The following AKAP9 variants were observed in gnomAD, a reference collection of about 807,000 sequenced individuals.
AKAP9 encodes the protein A-kinase anchoring protein 9.
A neutral mutation model predicts 488.5 loss-of-function variants in AKAP9; 311 were observed. The ratio of observed to expected loss-of-function variants is 0.64; its 90% CI spans 0.58 to 0.70. AKAP9 has a LOEUF of 0.70. AKAP9 is among the 30% of genes least tolerant of loss of function. The probability of loss-of-function intolerance (pLI) is 0.00; values close to 1 mark genes in which losing one functional copy is unlikely to be tolerated. For missense variants in AKAP9, 4,215 were observed against 4,374.5 expected (o/e 0.96, Z 1.03); for synonymous variants, 1,462 against 1,483.5 (o/e 0.99, Z 0.33).
chr7:92,098,048 T>G, intron 42 of AKAP9, 61 bp from the exon 43 acceptor site: 1 of 1,123,202 alleles, frequency 8.9e-7, no homozygotes, highest in South Asian at 1.3e-5. Context: ...CTGTAATGTT[T>G]GTGGTAGTAA....
At chr7:91,972,089 A>G (rs528506105) in intron 1 of AKAP9, among the ~76,000 whole-genome samples, 1 of 151,132 alleles carries the variant, frequency 6.6e-6, no homozygotes, top group Admixed American at 6.6e-5. Flanking sequence ...TCTAGTAAAC[A>G]ATCAGTGTTA....
chr7:91,948,344 G>A (rs1282193001), intron 1 of AKAP9, among the ~76,000 whole-genome samples: 5 of 152,068 alleles, frequency 3.3e-5, no homozygotes, highest in African/African-American at 1.2e-4. Context: ...ACTTTTTGAG[G>A]AACTGCCAAA....
At chr7:92,041,080 C>T (rs1201063377) in intron 18 of AKAP9, 182 bp downstream of exon 18, 2 of 574,074 alleles carry the variant, frequency 3.5e-6, no homozygotes, top group Admixed American at 6.2e-5. Flanking sequence ...ACTAAGACAG[C>T]AGCTTTAGAT....
intron 3 of AKAP9, among the ~76,000 whole-genome samples, chr7:91,983,282 A>G (rs1377128794): frequency 6.6e-6 from 1 of 152,008 alleles, no homozygotes; most frequent in African/African-American, 2.4e-5. Flanking sequence ...GTTCCCACCT[A>G]TGAGTGAGAA....
chr7:91,968,138 A>G (rs1362826067), intron 1 of AKAP9, among the ~76,000 whole-genome samples: 1 of 152,110 alleles, frequency 6.6e-6, no homozygotes, highest in Admixed American at 6.6e-5. Flanking sequence ...AGGTTTTGCC[A>G]TGTTGCCCAG....
Position 92,002,189 on chromosome 7 carries a change from C to T in AKAP9, c.2272C>T (p.Gln758Ter), listed in dbSNP as rs1170327554. 3 of 1,592,890 alleles carry T rather than the reference C, an allele frequency of 1.9e-6. No homozygotes were observed. The highest frequency in any genetic ancestry group is 1.2e-5 in the South Asian group (1 of 85,206). ...ACTTAAAACAGAATTGTTAGAAAAACAGATGAAGGAAAAAGAGAATGATCT... is the reference window on the plus strand; with the variant it reads ...ACTTAAAACAGAATTGTTAGAAAAATAGATGAAGGAAAAAGAGAATGATCT... ...LQLKTELLEKQMKEKENDLQE... is the reference protein window; with the variant it reads ...LQLKTELLEK Residue 758 changes from glutamine (Q) to a stop codon, truncating the protein, a stop_gained, in exon 8 of 50, where the codon CAG becomes TAG. Coordinates refer to ENST00000356239, the MANE Select transcript of AKAP9 (RefSeq NM_005751.5). LOFTEE classifies it high-confidence loss of function.
At chr7:91,982,925 T>G (rs1226196681) in intron 3 of AKAP9, among the ~76,000 whole-genome samples, 1 of 152,222 alleles carries the variant, frequency 6.6e-6, no homozygotes, top group Non-Finnish European at 1.5e-5. Flanking sequence ...TGATTTGCAT[T>G]TCTCTGATGA....
intron 14 of AKAP9, among the ~76,000 whole-genome samples, chr7:92,029,264 C>T (rs1019571232): frequency 7.2e-5 from 11 of 151,744 alleles, no homozygotes; most frequent in Non-Finnish European, 7.4e-5. Flanking sequence ...CAAAAAAGTC[C>T]GAAAGTGAAT....
intron 12 of AKAP9, among the ~76,000 whole-genome samples, chr7:92,018,392 T>C (rs1276405723): frequency 1.0e-5 from 1 of 98,630 alleles, no homozygotes; most frequent in Non-Finnish European, 2.1e-5. Context: ...TTTCTAAAAA[T>C]ATAACACACA....
At chr7:92,057,821 C>T (rs1251553284) in intron 22 of AKAP9, 9 of 223,676 alleles carry the variant, frequency 4.0e-5, no homozygotes, top group Non-Finnish European at 8.0e-5. Context: ...TATTTTTATT[C>T]TTCTCTTCAA....
At position 92,102,609 on chromosome 7, in the gene AKAP9, T is replaced by C. The variant is rs770644224; in HGVS notation, c.11113T>C (p.Tyr3705His). 2 of 1,614,084 alleles carry C rather than the reference T, an allele frequency of 1.2e-6. No homozygotes were observed. The highest frequency in any genetic ancestry group is 3.3e-5 in the Admixed American group (2 of 60,018). ...CTAAATATAGAGAATTTATGGTAAA[T>C]ACTTGAGGGCAGAAAGTTTTCGAAA... ...HVTLKRIYGK[Y>H]LRAESFRKAL... is the part of the protein sequence containing the mutation. Residue 3705 changes from tyrosine (Y) to histidine (H), a missense_variant, in exon 46 of 50, where the codon TAC becomes CAC. Around this residue, in one of 5 missense-constraint regions of AKAP9, gnomAD observed 253 missense variants for 266.8 expected, o/e 0.95. Transcript: ENST00000356239.
intron 1 of AKAP9, among the ~76,000 whole-genome samples, chr7:91,958,972 C>T (rs1377039487): frequency 2.6e-5 from 4 of 152,006 alleles, no homozygotes; most frequent in African/African-American, 7.3e-5. Flanking sequence ...CCATTCTCCA[C>T]CTCTCAGGCT....
At chr7:92,027,084 C>A (rs1160353633) in intron 14 of AKAP9, among the ~76,000 whole-genome samples, 1 of 146,612 alleles carries the variant, frequency 6.8e-6, no homozygotes, top group Non-Finnish European at 1.5e-5. Flanking sequence ...AGGAGCTTCT[C>A]TGCCCGGCTG....
intron 42 of AKAP9, 103 bp from the exon 43 acceptor site, chr7:92,098,006 G>C (rs1816908521): frequency 1.1e-6 from 1 of 875,544 alleles, no homozygotes; most frequent in African/African-American, 1.7e-5. Context: ...ATATAAGGGA[G>C]AAGTGATAGG....
At chr7:92,100,774 A>G in intron 44 of AKAP9, 82 bp from the exon 45 acceptor site, 3 of 1,530,370 alleles carry the variant, frequency 2.0e-6, no homozygotes, top group Non-Finnish European at 2.7e-6. Context: ...TTGAGACTGC[A>G]TCATCATGCA....
intron 29 of AKAP9, 74 bp from the exon 30 acceptor site, chr7:92,077,622 A>T: frequency 7.7e-7 from 1 of 1,296,076 alleles, no homozygotes; most frequent in Non-Finnish European, 1.1e-6. Flanking sequence ...ATAGGCTCTG[A>T]TTTCTTTTGT....
chr7:92,083,493 TGA>T lies in AKAP9; in HGVS notation c.8487_8488del (p.Lys2830AspfsTer8). The T allele has an allele frequency of 1.2e-6, 2 of 1,612,140 alleles. No individual in the cohort carries two copies. The highest frequency in any genetic ancestry group is 1.7e-6 in the Non-Finnish European group (2 of 1,179,138). On this transcript the variant is annotated frameshift_variant, in exon 33 of 50. Transcript: ENST00000356239. LOFTEE classifies it high-confidence loss of function. The part of the protein sequence containing the change: ...EIISQFTEKI[E>X]KMQELHAAEI... ...TAATCAGTCAGTTTACTGAAAAAAT[TGA>T]GAAGATGCAAGAACTACATGCTGCT...
intron 2 of AKAP9, 60 bp from the exon 3 acceptor site, chr7:91,980,229 A>G (rs1796210166): frequency 3.8e-6 from 4 of 1,041,462 alleles, no homozygotes; most frequent in Non-Finnish European, 5.9e-6. Flanking sequence ...ATGGTTTAGT[A>G]AAGTATGATA....
At chr7:92,108,441 T>TA in intron 48 of AKAP9, 53 bp from the exon 49 acceptor site, 2 of 1,599,320 alleles carry the variant, frequency 1.3e-6, no homozygotes, top group Admixed American at 3.3e-5. Flanking sequence ...GTTGGTAACT[T>TA]ATATGCATAT....
Sources: gnomAD v4.1 joint callset for allele counts (sites outside exome capture counted in the v4.1 genomes callset) on GRCh38, gnomAD v4.1.1 for gene constraint, gnomAD v4.1.1 regional missense constraint, MANE v1.5 for transcripts, NCBI Gene and HGNC (gene_info 2026-07-23, HGNC 2026-07-21) for gene names.